DMD: variants seen among roughly 807,000 people sequenced by gnomAD.
The protein encoded by DMD is dystrophin.
Under a neutral mutation model 330.1 loss-of-function variants are expected in DMD, and 63 were observed. That is an observed-to-expected ratio of 0.19 (90% confidence interval 0.16 to 0.24). DMD has a LOEUF of 0.24. Among genes scored for constraint, DMD ranks in the 10% least tolerant of loss-of-function variants. DMD has a pLI of 1.00. For synonymous variants in DMD, 1,223 were observed against 959.8 expected (o/e 1.27, Z -5.07); for missense variants, 3,344 against 2,684.1 (o/e 1.25, Z -5.43).
chrX:31,293,389 A>T (rs1398101159), intron 62 of DMD, among the ~76,000 whole-genome samples: 1 of 111,235 alleles, frequency 9.0e-6, no homozygotes, highest in African/African-American at 3.3e-5. Context: ...CAAGCAAAAA[A>T]AAGAGATTCA....
intron 41 of DMD, among the ~76,000 whole-genome samples, chrX:32,322,665 C>G (rs767302437): frequency 9.0e-6 from 1 of 111,471 alleles, no homozygotes; most frequent in South Asian, 3.8e-4. Flanking sequence ...ATAGATGGGA[C>G]AGACAGCAAC....
chrX:31,944,329 A>G (rs1033577117), intron 45 of DMD, among the ~76,000 whole-genome samples: 2 of 112,270 alleles, frequency 1.8e-5, no homozygotes, highest in African/African-American at 6.5e-5. Flanking sequence ...GCTAACTTTT[A>G]AAGAGATTTG....
chrX:32,393,692 A>G (rs1483345075), intron 30 of DMD, among the ~76,000 whole-genome samples: 5 of 111,533 alleles, frequency 4.5e-5, no homozygotes, highest in African/African-American at 1.6e-4. Context: ...GAGAACAAAG[A>G]GAGAACCATG....
At chrX:31,130,497 A>C (rs369599158) in intron 77 of DMD, among the ~76,000 whole-genome samples, 1 of 112,249 alleles carries the variant, frequency 8.9e-6, no homozygotes, top group South Asian at 3.7e-4. Flanking sequence ...GTGAACAACT[A>C]AGTATATCTA....
At chrX:32,656,058 C>G (rs928505710) in intron 9 of DMD, among the ~76,000 whole-genome samples, 3 of 111,336 alleles carry the variant, frequency 2.7e-5, no homozygotes, top group African/African-American at 9.8e-5. Context: ...CTTTCTTCAC[C>G]CTTTATGTAG....
chrX:32,530,849 C>A (rs17318133), intron 17 of DMD, among the ~76,000 whole-genome samples: 1,812 of 111,935 alleles, frequency 0.016, 66 homozygotes, highest in Admixed American at 0.1. Flanking sequence ...TAGATGAAAT[C>A]CTGTCAGAGT....
chrX:31,349,561 G>T (rs908802305), intron 60 of DMD, among the ~76,000 whole-genome samples: 4 of 111,933 alleles, frequency 3.6e-5, no homozygotes, highest in Non-Finnish European at 5.6e-5. Context: ...TACCTTTAGG[G>T]GGCATGCAGT....
intron 55 of DMD, among the ~76,000 whole-genome samples, chrX:31,544,604 C>G (rs2074040984): frequency 9.0e-6 from 1 of 111,456 alleles, no homozygotes; most frequent in Non-Finnish European, 1.9e-5. Flanking sequence ...TTTGTCCAGT[C>G]ATACTGGACA....
intron 2 of DMD, among the ~76,000 whole-genome samples, chrX:32,860,578 G>GT (rs2082001392): frequency 9.8e-6 from 1 of 102,285 alleles, no homozygotes; most frequent in East Asian, 3.1e-4. Context: ...TTTCCGAGTT[G>GT]ATTTTTTTTT....
chrX:33,216,484 A>G (rs751505830), upstream of DMD, among the ~76,000 whole-genome samples: 32 of 111,068 alleles, frequency 2.9e-4, no homozygotes, highest in African/African-American at 1.0e-3. Flanking sequence ...CTGAAAAACT[A>G]CCTACTGGGT....
intron 63 of DMD, among the ~76,000 whole-genome samples, chrX:31,245,779 C>T (rs1025369165): frequency 6.3e-5 from 7 of 111,552 alleles, no homozygotes; most frequent in South Asian, 7.7e-4. Context: ...AATTGATCAA[C>T]GTCATACGTG....
At chrX:32,397,934 A>G (rs1293877528) in intron 30 of DMD, among the ~76,000 whole-genome samples, 1 of 111,283 alleles carries the variant, frequency 9.0e-6, no homozygotes, top group East Asian at 2.8e-4. Flanking sequence ...TATTTTAGTA[A>G]AAGATATTAA....
chrX:31,940,555 A>T (rs1374188540), intron 45 of DMD, among the ~76,000 whole-genome samples: 2 of 111,870 alleles, frequency 1.8e-5, no homozygotes. Flanking sequence ...CATCAGAGCC[A>T]CAAAAGCGAA....
At chrX:31,853,312 T>C (rs113278674) in intron 48 of DMD, among the ~76,000 whole-genome samples, 15 of 112,943 alleles carry the variant, frequency 1.3e-4, no homozygotes, top group African/African-American at 4.2e-4. Flanking sequence ...TCAGGTCTAA[T>C]ACATGAACAA....
At chrX:31,246,658 T>TG (rs1326931603) in intron 63 of DMD, among the ~76,000 whole-genome samples, 4 of 112,267 alleles carry the variant, frequency 3.6e-5, no homozygotes, top group Non-Finnish European at 3.8e-5. Context: ...CCGGGCACAG[T>TG]GGCTCATGCC....
intron 60 of DMD, among the ~76,000 whole-genome samples, chrX:31,363,391 T>TTA (rs2059058412): frequency 1.1e-5 from 1 of 89,520 alleles, no homozygotes; most frequent in African/African-American, 4.3e-5. Context: ...TTTTTTTTTT[T>TTA]TTTTTTTTGA....
At chrX:32,399,795 C>T (rs778452550) in intron 30 of DMD, among the ~76,000 whole-genome samples, 155 of 111,699 alleles carry the variant, frequency 1.4e-3, no homozygotes, top group African/African-American at 3.9e-3. Flanking sequence ...TGTTTTATTG[C>T]GGCACTGTTC....
intron 55 of DMD, among the ~76,000 whole-genome samples, chrX:31,585,323 CAAAAAA>C (rs1213158531): frequency 8.3e-5 from 3 of 36,121 alleles, no homozygotes; most frequent in Admixed American, 3.9e-4. Context: ...GACCCTGTCT[CAAAAAA>C]AAAAAAAAAA....
rs866207385 is a variant in DMD at position 32,776,444 on chromosome X, A to C, written c.649+33049T>G. 5.4e-5 allele frequency among the ~76,000 whole-genome samples: 6 copies of C among 111,038 alleles called. No homozygotes were observed. In the Middle Eastern group the frequency reaches 0.019, roughly 343 times the overall value. On this transcript the variant is annotated intron_variant, in intron 7 of 78. Transcript: ENST00000357033. ...AGTACCTGTGGTTGGGTAATTTATA[A>C]GTAAAAGAGGATTAATAGACTCACA...
Sources: gnomAD v4.1 joint callset for allele counts (sites outside exome capture counted in the v4.1 genomes callset) on GRCh38, gnomAD v4.1.1 for gene constraint, MANE v1.5 for transcripts, NCBI Gene and HGNC (gene_info 2026-07-23, HGNC 2026-07-21) for gene names.